Variants in ZFHX3 observed in about 807,000 individuals in gnomAD.
The protein encoded by ZFHX3 is zinc finger homeobox protein 3.
Under a neutral mutation model 279.1 loss-of-function variants are expected in ZFHX3, and 42 were observed. The ratio of observed to expected loss-of-function variants is 0.15; its 90% CI spans 0.12 to 0.19. ZFHX3 has a LOEUF of 0.19. ZFHX3 is among the 10% of genes least tolerant of loss of function. The pLI, the probability that ZFHX3 is intolerant of heterozygous loss-of-function variation, is 1.00. For missense variants in ZFHX3, 4,981 were observed against 4,754.0 expected (o/e 1.05, Z -1.40); for synonymous variants, 2,293 against 1,957.8 (o/e 1.17, Z -4.52).
At chr16:73,562,688 G>A (rs527940252) in intron 2 of ZFHX3, among the ~76,000 whole-genome samples, 159 of 147,310 alleles carry the variant, frequency 1.1e-3, no homozygotes, top group African/African-American at 4.0e-3. Flanking sequence ...CCTTTTGAAA[G>A]ATGGCTTTAA....
At chr16:73,231,946 T>TA (rs1023288139) in intron 5 of ZFHX3, 3 of 152,000 alleles carry the variant, frequency 2.0e-5, no homozygotes, top group Non-Finnish European at 1.5e-5. Flanking sequence ...GGCGACACGA[T>TA]AAAAAATAAC....
intron 1 of ZFHX3, among the ~76,000 whole-genome samples, chr16:73,863,562 C>T (rs985095874): frequency 5.2e-4 from 79 of 152,296 alleles, no homozygotes; most frequent in African/African-American, 1.8e-3. Context: ...AAAAGACATA[C>T]GGTGATGGTG....
intron 2 of ZFHX3, among the ~76,000 whole-genome samples, chr16:73,530,438 GT>G (rs1297663585): frequency 6.6e-6 from 1 of 152,146 alleles, no homozygotes; most frequent in East Asian, 1.9e-4. Flanking sequence ...TTCCAGAGAT[GT>G]TTTCCACGTC....
intron 3 of ZFHX3, among the ~76,000 whole-genome samples, chr16:72,926,383 G>C (rs1205975142): frequency 1.3e-5 from 2 of 152,168 alleles, no homozygotes; most frequent in East Asian, 1.9e-4. Context: ...CCATGGAAGA[G>C]GTGAAAGAGC....
intron 8 of ZFHX3, among the ~76,000 whole-genome samples, chr16:73,076,859 T>A (rs773413117): frequency 1.3e-5 from 2 of 151,754 alleles, no homozygotes; most frequent in Non-Finnish European, 2.9e-5. Context: ...CTTTATTTTA[T>A]AAAATATGTG....
At chr16:73,112,030 C>G (rs202084716) in intron 7 of ZFHX3, among the ~76,000 whole-genome samples, 2 of 151,960 alleles carry the variant, frequency 1.3e-5, no homozygotes, top group East Asian at 3.9e-4. Flanking sequence ...TAGAATCTTA[C>G]ACTGGTGGGT....
At position 73,755,003 on chromosome 16, in the gene ZFHX3, G is replaced by C. The variant is rs564839044; in HGVS notation, c.-1607-74763C>G. Among the ~76,000 whole-genome samples the C allele has an allele frequency of 1.1e-4, 16 of 152,216 alleles. No individual in the cohort carries two copies. In the East Asian group the frequency reaches 3.1e-3, roughly 29 times the overall value. ...CATACAATTTTGTTTAATCTTCAAA[G>C]CACCCTCCTTACAAAGGAGATGCTT... On this transcript the variant is annotated intron_variant, in intron 1 of 17. Coordinates refer to the ZFHX3 transcript ENST00000641206.
intron 6 of ZFHX3, among the ~76,000 whole-genome samples, chr16:73,143,362 A>G (rs1966852421): frequency 6.6e-6 from 1 of 152,014 alleles, no homozygotes; most frequent in African/African-American, 2.4e-5. Context: ...GAGAAGTGGG[A>G]AGATTGACAA....
At chr16:73,024,283 C>T (rs1053996425) in intron 1 of ZFHX3, among the ~76,000 whole-genome samples, 4 of 152,220 alleles carry the variant, frequency 2.6e-5, no homozygotes, top group African/African-American at 9.6e-5. Flanking sequence ...AAGAGGCAGC[C>T]CCATCTCCCA....
intron 1 of ZFHX3, among the ~76,000 whole-genome samples, chr16:73,722,073 C>T (rs1246885986): frequency 6.6e-6 from 1 of 152,126 alleles, no homozygotes; most frequent in Non-Finnish European, 1.5e-5. Flanking sequence ...CAAAACAGAA[C>T]ATTATTCATC....
At chr16:73,009,847 C>T (rs1963848920) in intron 1 of ZFHX3, among the ~76,000 whole-genome samples, 1 of 151,976 alleles carries the variant, frequency 6.6e-6, no homozygotes, top group African/African-American at 2.4e-5. Flanking sequence ...ATGGCAAAAC[C>T]CCGTCTCTAG....
chr16:73,069,148 G>GA (rs2144752886), intron 8 of ZFHX3, among the ~76,000 whole-genome samples: 1 of 152,346 alleles, frequency 6.6e-6, no homozygotes, highest in East Asian at 1.9e-4. Flanking sequence ...CCTTGTTAAG[G>GA]AAGTACTTCT....
At chr16:73,190,476 A>C (rs531215317) in intron 5 of ZFHX3, among the ~76,000 whole-genome samples, 1 of 152,248 alleles carries the variant, frequency 6.6e-6, no homozygotes. Context: ...TTTTCCAGCC[A>C]TAAAACAGGG....
At chr16:72,815,496 C>T (rs1464110953) in intron 5 of ZFHX3, among the ~76,000 whole-genome samples, 1 of 152,080 alleles carries the variant, frequency 6.6e-6, no homozygotes, top group Non-Finnish European at 1.5e-5. Context: ...GAGGTTCTCT[C>T]AAGTTTCTTC....
intron 2 of ZFHX3, among the ~76,000 whole-genome samples, chr16:73,515,039 A>G (rs2019496040): frequency 1.3e-5 from 2 of 152,236 alleles, no homozygotes; most frequent in Non-Finnish European, 2.9e-5. Context: ...AAGAAATAAA[A>G]AGAATTCTAG....
intron 4 of ZFHX3, among the ~76,000 whole-genome samples, chr16:73,300,567 G>C (rs899905952): frequency 6.6e-6 from 1 of 151,952 alleles, no homozygotes; most frequent in Non-Finnish European, 1.5e-5. Context: ...GCAATGGTGT[G>C]ATCTTGGCTT....
intron 5 of ZFHX3, among the ~76,000 whole-genome samples, chr16:72,823,638 G>A (rs573213976): frequency 6.6e-6 from 1 of 152,192 alleles, no homozygotes; most frequent in Non-Finnish European, 1.5e-5. Context: ...ACAGACAAGA[G>A]AAATCTGGGA....
intron 3 of ZFHX3, among the ~76,000 whole-genome samples, chr16:73,393,605 A>T (rs988528383): frequency 6.6e-6 from 1 of 152,172 alleles, no homozygotes; most frequent in South Asian, 2.1e-4. Flanking sequence ...ATTCCTTCTC[A>T]CGTGAATCTT....
chr16:72,945,032 A>C (rs1596994657), intron 3 of ZFHX3, among the ~76,000 whole-genome samples: 1 of 152,250 alleles, frequency 6.6e-6, no homozygotes, highest in South Asian at 2.1e-4. Flanking sequence ...AAAAGATATC[A>C]CTGACCTGAT....
Sources: gnomAD v4.1 joint callset for allele counts (sites outside exome capture counted in the v4.1 genomes callset) on GRCh38, gnomAD v4.1.1 for gene constraint, MANE v1.5 for transcripts, NCBI Gene and HGNC (gene_info 2026-07-23, HGNC 2026-07-21) for gene names.